MAPK4: variants seen among roughly 807,000 people sequenced by gnomAD.
The protein encoded by MAPK4 is mitogen-activated protein kinase 4.
A neutral mutation model predicts 47.7 loss-of-function variants in MAPK4; 22 were observed. That is an observed-to-expected ratio of 0.46 (90% CI 0.33 to 0.66). The LOEUF (loss-of-function observed/expected upper bound fraction) is 0.66. Ranked by LOEUF, MAPK4 falls within the 30% of genes least tolerant of loss-of-function variation. The pLI, the probability that MAPK4 is intolerant of heterozygous loss-of-function variation, is 0.02. For synonymous variants in MAPK4, 390 were observed against 365.7 expected, an observed-to-expected ratio of 1.07 and a Z score of -0.76; for missense variants, 736 against 831.7, an observed-to-expected ratio of 0.88 and a Z score of 1.42.
chr18:50,681,315 T>A (rs1197437023), intron 2 of MAPK4, among the ~76,000 whole-genome samples: 1 of 152,224 alleles, frequency 6.6e-6, no homozygotes, highest in Non-Finnish European at 1.5e-5. Context: ...CCTTATTAGA[T>A]GGATAATTGC....
At chr18:50,559,668 C>T (rs1281513338), upstream of MAPK4, among the ~76,000 whole-genome samples, 3 of 137,574 alleles carry the variant, frequency 2.2e-5, no homozygotes, top group Non-Finnish European at 4.7e-5. Context: ...GGCGGGGCGG[C>T]GACCGGGCTC....
At chr18:50,685,364 G>A (rs1332320438) in intron 2 of MAPK4, among the ~76,000 whole-genome samples, 1 of 152,224 alleles carries the variant, frequency 6.6e-6, no homozygotes. Flanking sequence ...ACTGTCCAAT[G>A]AGAGAGAATA....
At chr18:50,639,482 A>T (rs2042919514) in intron 1 of MAPK4, among the ~76,000 whole-genome samples, 1 of 152,204 alleles carries the variant, frequency 6.6e-6, no homozygotes, top group Non-Finnish European at 1.5e-5. Context: ...AATGTTCCAA[A>T]ATTATATATG....
At chr18:50,639,367 G>A (rs1188701888) in intron 1 of MAPK4, among the ~76,000 whole-genome samples, 2 of 152,166 alleles carry the variant, frequency 1.3e-5, no homozygotes, top group Non-Finnish European at 2.9e-5. Context: ...TTTCCATGGT[G>A]TTCACTGAGT....
intron 1 of MAPK4, among the ~76,000 whole-genome samples, chr18:50,600,953 T>G (rs2042531306): frequency 6.6e-6 from 1 of 151,950 alleles, no homozygotes; most frequent in African/African-American, 2.4e-5. Context: ...TTTAGTATTG[T>G]TCACGATTTG....
intron 1 of MAPK4, among the ~76,000 whole-genome samples, chr18:50,578,947 C>A (rs1049537268): frequency 1.3e-5 from 2 of 152,128 alleles, no homozygotes; most frequent in African/African-American, 4.8e-5. Context: ...ATCCCTGGAG[C>A]AGCATGGGCA....
At position 50,716,874 on chromosome 18, in the gene MAPK4, G is replaced by A. The variant is rs540044557; in HGVS notation, c.691+1651G>A. Reference sequence around the variant, plus strand: ...TTCTCCCATGCCCTGTACACAGAGCGGGATAGAGCCTCTGCATCCTCCTTG... The same window carrying A: ...TTCTCCCATGCCCTGTACACAGAGCAGGATAGAGCCTCTGCATCCTCCTTG... On this transcript the variant is annotated intron_variant, in intron 3 of 5. Transcript: ENST00000400384. Among the ~76,000 whole-genome samples, 12 of 152,168 alleles carry A rather than the reference G, an allele frequency of 7.9e-5. No homozygotes were observed. The South Asian group carries it at 2.1e-3, about 26-fold the overall frequency.
chr18:50,690,692 G>A (rs1909164160), intron 2 of MAPK4, among the ~76,000 whole-genome samples: 1 of 152,224 alleles, frequency 6.6e-6, no homozygotes, highest in Non-Finnish European at 1.5e-5. Flanking sequence ...GGAAAGACGG[G>A]AAGTAAACCT....
chr18:50,729,366 C>A lies in MAPK4; in HGVS notation c.1276C>A (p.Arg426Ser). Reference protein sequence around the residue: ...MERAFEADYGRSCDYKVGSPS... With the variant: ...MERAFEADYGSSCDYKVGSPS... ...GCGCGCCTTCGAGGCCGACTACGGG[C>A]GCTCCTGCGACTACAAGGTGGGGTC... Residue 426 changes from arginine to serine, a missense_variant, in exon 6 of 6, where the codon CGC becomes AGC. By Grantham distance (110) the Arg-to-Ser change is moderately radical. This residue lies in a region of MAPK4 where 377 missense variants were observed against 378.6 expected (regional missense o/e 1.00). Transcript: ENST00000400384. The A allele has an allele frequency of 1.3e-6, 2 of 1,575,096 alleles. No individual in the cohort carries two copies. The highest frequency in any genetic ancestry group is 1.1e-5 in the South Asian group (1 of 87,542).
chr18:50,726,022 T>C lies in MAPK4; in HGVS notation c.914T>C (p.Met305Thr), dbSNP rs769776274. The part of the protein sequence containing the change: ...FNPMDRLTAE[M>T]GLQHPYMSPY... ...CCCATGGATCGCCTAACAGCTGAGATGGGGCTGCAACACCCCTACATGAGC... is the reference window on the plus strand; with the variant it reads ...CCCATGGATCGCCTAACAGCTGAGACGGGGCTGCAACACCCCTACATGAGC... Residue 305 changes from methionine (M) to threonine (T), a missense_variant, in exon 5 of 6, where the codon ATG (methionine) becomes ACG (threonine). Coordinates refer to ENST00000400384, the MANE Select transcript of MAPK4 (RefSeq NM_002747.4). The C allele has an allele frequency of 1.2e-6, 2 of 1,614,124 alleles. No individual in the cohort carries two copies. Among genetic ancestry groups the C allele is most frequent in the Admixed American group, 3.3e-5 (2 of 60,020 alleles).
At chr18:50,622,714 T>C (rs1048962830) in intron 1 of MAPK4, among the ~76,000 whole-genome samples, 1 of 152,206 alleles carries the variant, frequency 6.6e-6, no homozygotes, top group Admixed American at 6.5e-5. Context: ...CAGAATAGGT[T>C]TGGAACTACA....
intron 1 of MAPK4, among the ~76,000 whole-genome samples, chr18:50,605,918 C>T (rs1047054163): frequency 7.2e-5 from 11 of 152,150 alleles, no homozygotes; most frequent in Admixed American, 2.0e-4. Flanking sequence ...TAAGAGATCA[C>T]GAACTCAAAG....
In MAPK4 at chr18:50,704,449, T is replaced by G. The variant is rs775275344; in HGVS notation, c.547-10630T>G. The G allele has an allele frequency of 1.7e-4, 68 of 397,568 alleles. 1 individual carries two copies. In the Middle Eastern group the frequency reaches 8.2e-3, roughly 48 times the overall value. The allele number at this position is 397,568 out of a possible 1,614,324, so 24.6% of individuals were successfully genotyped here. A position where few individuals can be genotyped will look rare whatever the true frequency, so the allele number is the denominator to read the frequency against. ...ACCCAGAAGGTCAAGCCACTGCACT[T>G]TAGCCTGGGTGACAAAGTGAGACCC... On this transcript the variant is annotated intron_variant, in intron 2 of 5. Coordinates refer to ENST00000400384, the MANE Select transcript of MAPK4 (RefSeq NM_002747.4).
rs79128579 is a variant in MAPK4 at position 50,716,607 on chromosome 18, G to A, written c.691+1384G>A. Among the ~76,000 whole-genome samples, 469 of 152,280 alleles carry A rather than the reference G, an allele frequency of 3.1e-3. 2 individuals carry two copies. The highest frequency in any genetic ancestry group is 0.01 in the African/African-American group (433 of 41,554). ...ACGCTCTGGCTGCAGCATGAGCCCC[G>A]TGGGCCTGCCTCCTTGCCACCTGTC... is the stretch of plus-strand genomic sequence containing the variant. On this transcript the variant is annotated intron_variant, in intron 3 of 5. Coordinates refer to ENST00000400384, the MANE Select transcript of MAPK4 (RefSeq NM_002747.4).
Position 50,708,569 on chromosome 18 carries a change from A to T in MAPK4, c.547-6510A>T, listed in dbSNP as rs116121281. On this transcript the variant is annotated intron_variant, in intron 2 of 5. Coordinates refer to ENST00000400384, the MANE Select transcript of MAPK4 (RefSeq NM_002747.4). ...CCAGTCGAGGTCCTCAAGGGATCTG[A>T]GAGCACCCCAAAGTTTGAGAAGCCA... is the stretch of plus-strand genomic sequence containing the variant. Among the ~76,000 whole-genome samples, 709 of 152,324 alleles carry T rather than the reference A, an allele frequency of 4.7e-3. 5 individuals are homozygous for T. Among genetic ancestry groups the T allele is most frequent in the African/African-American group, 0.016 (678 of 41,558 alleles).
chr18:50,669,309 A>G (rs1041716949), intron 2 of MAPK4: 4 of 152,030 alleles, frequency 2.6e-5, no homozygotes, highest in African/African-American at 9.7e-5. Context: ...CTCAAAAGAG[A>G]AAAAAAATGT....
intron 1 of MAPK4, 125 bp from the exon 2 acceptor site, chr18:50,662,964 G>A (rs1335581019): frequency 1.3e-5 from 2 of 152,284 alleles, no homozygotes; most frequent in African/African-American, 2.4e-5. Flanking sequence ...GGAATCCCCT[G>A]AGCAAGCAGT....
At chr18:50,598,662 T>G (rs774722537) in intron 1 of MAPK4, among the ~76,000 whole-genome samples, 1 of 152,226 alleles carries the variant, frequency 6.6e-6, no homozygotes, top group Non-Finnish European at 1.5e-5. Context: ...TTATTTGGAT[T>G]TCACTAACTG....
intron 1 of MAPK4, among the ~76,000 whole-genome samples, chr18:50,564,253 G>T (rs1469531432): frequency 6.6e-6 from 1 of 152,140 alleles, no homozygotes; most frequent in Non-Finnish European, 1.5e-5. Context: ...TTACCTATAT[G>T]TGCCCATTAT....
Sources: gnomAD v4.1 joint callset for allele counts (sites outside exome capture counted in the v4.1 genomes callset) on GRCh38, gnomAD v4.1.1 for gene constraint, gnomAD v4.1.1 regional missense constraint, MANE v1.5 for transcripts, NCBI Gene and HGNC (gene_info 2026-07-23, HGNC 2026-07-21) for gene names.